DCAF6: variants seen among roughly 807,000 people sequenced by gnomAD.
The protein encoded by DCAF6 is DDB1- and CUL4-associated factor 6.
In DCAF6, 54 loss-of-function variants were observed where a neutral mutation model predicts 125.1. That is an observed-to-expected ratio of 0.43 (90% CI 0.35 to 0.54). DCAF6 has a LOEUF of 0.54. Ranked by LOEUF, DCAF6 falls within the 20% of genes least tolerant of loss-of-function variation. The pLI is 0.01. For missense variants in DCAF6, 934 were observed against 1,161.7 expected, an observed-to-expected ratio of 0.80 and a Z score of 2.85; for synonymous variants, 371 against 390.4, an observed-to-expected ratio of 0.95 and a Z score of 0.58.
chr1:167,920,719 A>G, the DCAF6 span: 3 of 1,314,598 alleles, frequency 2.3e-6, no homozygotes, highest in African/African-American at 1.5e-5. Flanking sequence ...CATTTTTGAG[A>G]TTTCCGTAAG....
chr1:168,072,686 C>T (rs1324118069), intron 21 of DCAF6, among the ~76,000 whole-genome samples: 1 of 152,060 alleles, frequency 6.6e-6, no homozygotes, highest in Non-Finnish European at 1.5e-5. Flanking sequence ...AAATCTCTAG[C>T]TAACAATGAA....
At chr1:168,066,553 TA>T in intron 20 of DCAF6, 88 bp downstream of exon 20, 1 of 892,026 alleles carries the variant, frequency 1.1e-6, no homozygotes, top group Non-Finnish European at 1.8e-6. Context: ...TATTAGTTGC[TA>T]ACATGAAACA....
chr1:168,039,910 T>C (rs1265671219), intron 13 of DCAF6, among the ~76,000 whole-genome samples: 1 of 151,876 alleles, frequency 6.6e-6, no homozygotes, highest in Non-Finnish European at 1.5e-5. Context: ...TTGGATATCT[T>C]CTATGTTCCG....
the DCAF6 span, among the ~76,000 whole-genome samples, chr1:167,882,376 T>G: frequency 6.7e-6 from 1 of 149,736 alleles, no homozygotes; most frequent in Non-Finnish European, 1.5e-5. Flanking sequence ...TCCCAGCTAC[T>G]CAGGAGGCTG....
At chr1:168,042,918 T>TA (rs1688721829) in intron 13 of DCAF6, 107 bp from the exon 14 acceptor site, 1 of 657,528 alleles carries the variant, frequency 1.5e-6, no homozygotes, top group Non-Finnish European at 2.6e-6. Context: ...TCCTACATTT[T>TA]ACTTGTGAAT....
chr1:167,955,141 G>T (rs560790144), intron 2 of DCAF6, among the ~76,000 whole-genome samples: 15 of 152,182 alleles, frequency 9.9e-5, no homozygotes, highest in Admixed American at 5.2e-4. Context: ...AGCATTTATT[G>T]TATGGATAAA....
At chr1:167,919,275 T>G in the DCAF6 span, among the ~76,000 whole-genome samples, 8 of 152,316 alleles carry the variant, frequency 5.3e-5, no homozygotes, top group Middle Eastern at 0.01. Flanking sequence ...GCCATAGTCT[T>G]TCCTTCCCTT....
chr1:167,974,851 G>T lies in DCAF6; in HGVS notation c.274G>T (p.Gly92Trp). The T allele has an allele frequency of 6.4e-7, 1 of 1,550,594 alleles. No homozygotes were observed. The highest frequency in any genetic ancestry group is 8.7e-7 in the Non-Finnish European group (1 of 1,148,826). The change falls in exon 4 of 22, where the codon GGG becomes TGG. Residue 92 changes from glycine to tryptophan, a missense_variant. Coordinates refer to ENST00000367840, the MANE Select transcript of DCAF6 (RefSeq NM_001198956.2). ...TTAGGTTTTGACAACAATTCGTTCA[G>T]GGCACCGAGCAAACATATTTAGTGC... ...SRKVLTTIRS[G>W]HRANIFSAKF... is the part of the protein sequence containing the mutation.
the DCAF6 span, among the ~76,000 whole-genome samples, chr1:167,900,637 A>G: frequency 6.6e-6 from 1 of 152,104 alleles, no homozygotes; most frequent in Non-Finnish European, 1.5e-5. Flanking sequence ...GGTTCAAGCA[A>G]TTCTCCTGCC....
chr1:167,921,231 T>C, the DCAF6 span, among the ~76,000 whole-genome samples: 2 of 143,286 alleles, frequency 1.4e-5, no homozygotes, highest in African/African-American at 2.6e-5. Context: ...GGTTAGATCA[T>C]TTTTTTTTTT....
At chr1:167,918,360 C>A in the DCAF6 span, 1 of 1,523,750 alleles carries the variant, frequency 6.6e-7, no homozygotes. Flanking sequence ...TTGGTTATAT[C>A]TATAAAGAAA....
At chr1:167,910,917 A>G in the DCAF6 span, among the ~76,000 whole-genome samples, 1 of 152,212 alleles carries the variant, frequency 6.6e-6, no homozygotes, top group Non-Finnish European at 1.5e-5. Context: ...TTAAATAAAC[A>G]ATTTTTTAGT....
At chr1:167,937,185 C>T (rs748294635) in intron 1 of DCAF6, 177 bp downstream of exon 1, 4 of 619,692 alleles carry the variant, frequency 6.5e-6, no homozygotes, top group Middle Eastern at 2.6e-4. Context: ...CCAGTCAAGC[C>T]CCCTGTGCAT....
intron 5 of DCAF6, among the ~76,000 whole-genome samples, chr1:167,989,856 A>G (rs1264616434): frequency 2.0e-5 from 3 of 151,576 alleles, no homozygotes; most frequent in Non-Finnish European, 2.9e-5. Flanking sequence ...GCAAAATTCT[A>G]TCTCAAAAAA....
the DCAF6 span, among the ~76,000 whole-genome samples, chr1:167,889,865 A>G: frequency 0.44 from 67,601 of 152,014 alleles, 15,169 homozygotes; most frequent in Middle Eastern, 0.51. Flanking sequence ...GAATTTCTGT[A>G]TTATCAGTTG....
intron 16 of DCAF6, among the ~76,000 whole-genome samples, chr1:168,048,838 T>G (rs1689463882): frequency 6.6e-6 from 1 of 152,244 alleles, no homozygotes; most frequent in Admixed American, 6.5e-5. Flanking sequence ...AAACTATTCT[T>G]AGCCTAAGGT....
chr1:168,059,627 G>A (rs1303551778), intron 17 of DCAF6, among the ~76,000 whole-genome samples: 3 of 152,074 alleles, frequency 2.0e-5, no homozygotes, highest in Non-Finnish European at 1.5e-5. Flanking sequence ...ACAAAGTTAT[G>A]TCTACATTTA....
chr1:168,020,077 A>G (rs1048039379), intron 11 of DCAF6: 7 of 152,328 alleles, frequency 4.6e-5, no homozygotes, highest in African/African-American at 1.2e-4. Context: ...GCTTTGTACC[A>G]TTATTTTTCA....
intron 12 of DCAF6, among the ~76,000 whole-genome samples, chr1:168,030,740 C>T (rs1289446356): frequency 2.6e-5 from 4 of 152,166 alleles, no homozygotes; most frequent in Non-Finnish European, 4.4e-5. Context: ...TAATAAATAG[C>T]AGTCTGCAGA....
Sources: allele counts gnomAD v4.1 joint callset (sites outside exome capture counted in the v4.1 genomes callset), GRCh38; gene constraint gnomAD v4.1.1; transcripts MANE v1.5; gene names NCBI Gene and HGNC (gene_info 2026-07-23, HGNC 2026-07-21).